The following CDH13 variants were observed in gnomAD, a reference collection of about 807,000 sequenced individuals.
The protein encoded by CDH13 is cadherin-13.
A neutral mutation model predicts 63.8 loss-of-function variants in CDH13; 24 were observed. That is an observed-to-expected ratio of 0.38 (90% CI 0.27 to 0.53). The LOEUF is 0.53. CDH13 is among the 20% of genes least tolerant of loss of function. CDH13 has a pLI of 0.85. For missense variants in CDH13, 1,049 were observed against 903.1 expected (o/e 1.16, Z -2.07); for synonymous variants, 503 against 355.3 (o/e 1.42, Z -4.67).
chr16:83,106,086 C>A (rs571620755), intron 3 of CDH13, among the ~76,000 whole-genome samples: 26 of 152,302 alleles, frequency 1.7e-4, no homozygotes, highest in Middle Eastern at 6.8e-3. Context: ...TGTTACAGGA[C>A]TTTTAAAATG....
chr16:83,737,007 C>T (rs34070320), intron 10 of CDH13, among the ~76,000 whole-genome samples: 20,724 of 152,018 alleles, frequency 0.14, 1,512 homozygotes, highest in Middle Eastern at 0.19. Flanking sequence ...GCTCGGTGCA[C>T]GTGGGGCTCA....
chr16:83,355,200 C>A (rs112296096), intron 6 of CDH13, among the ~76,000 whole-genome samples: 2 of 152,096 alleles, frequency 1.3e-5, no homozygotes, highest in Non-Finnish European at 2.9e-5. Flanking sequence ...ATGGCAGCTA[C>A]GGAGATGGAG....
chr16:82,666,287 G>A (rs1912574717), intron 1 of CDH13, among the ~76,000 whole-genome samples: 1 of 152,224 alleles, frequency 6.6e-6, no homozygotes, highest in Non-Finnish European at 1.5e-5. Flanking sequence ...TACCAATTAT[G>A]CCACAGGCAG....
At chr16:82,924,675 A>T (rs1006060998) in intron 2 of CDH13, among the ~76,000 whole-genome samples, 1 of 152,218 alleles carries the variant, frequency 6.6e-6, no homozygotes, top group East Asian at 1.9e-4. Context: ...ACCGTTATCA[A>T]TCTGGAATGT....
chr16:82,840,114 A>C (rs2038942764), intron 1 of CDH13, among the ~76,000 whole-genome samples: 1 of 152,092 alleles, frequency 6.6e-6, no homozygotes. Context: ...AGAAGAGACC[A>C]CCTTCCCCAC....
At chr16:83,328,554 G>A (rs943943714) in intron 5 of CDH13, among the ~76,000 whole-genome samples, 1 of 152,164 alleles carries the variant, frequency 6.6e-6, no homozygotes, top group African/African-American at 2.4e-5. Flanking sequence ...TAGAGTGGGA[G>A]GACAAGAGCA....
At chr16:83,066,464 T>C (rs557749586) in intron 3 of CDH13, among the ~76,000 whole-genome samples, 2 of 152,282 alleles carry the variant, frequency 1.3e-5, no homozygotes, top group Middle Eastern at 3.4e-3. Flanking sequence ...ACCGAGGACC[T>C]CCTGAAGTCA....
chr16:83,662,454 T>A (rs1443679257), intron 8 of CDH13, among the ~76,000 whole-genome samples: 18 of 152,192 alleles, frequency 1.2e-4, no homozygotes, highest in Admixed American at 9.8e-4. Context: ...TATGTTTTCT[T>A]AAAAAGAATC....
At chr16:82,685,394 A>G (rs1214330601) in intron 1 of CDH13, among the ~76,000 whole-genome samples, 2 of 152,182 alleles carry the variant, frequency 1.3e-5, no homozygotes, top group African/African-American at 4.8e-5. Flanking sequence ...CCCATTCATA[A>G]TGGCTCATCC....
intron 6 of CDH13, among the ~76,000 whole-genome samples, chr16:83,472,516 C>T (rs899080436): frequency 1.3e-5 from 2 of 152,142 alleles, no homozygotes; most frequent in African/African-American, 2.4e-5. Flanking sequence ...GTCAGGGCAC[C>T]GCCGCTCAGG....
intron 5 of CDH13, among the ~76,000 whole-genome samples, chr16:83,343,184 T>A (rs1364299): frequency 1 from 151,538 of 152,228 alleles, 75,429 homozygotes; most frequent in Middle Eastern, 1. Flanking sequence ...GAAAAAAATT[T>A]AAAAATTATC....
At chr16:82,701,896 C>G (rs1161567984) in intron 1 of CDH13, among the ~76,000 whole-genome samples, 1 of 152,194 alleles carries the variant, frequency 6.6e-6, no homozygotes, top group Non-Finnish European at 1.5e-5. Flanking sequence ...GACTTCATCT[C>G]TACCCAGCCA....
At chr16:82,627,708 C>T (rs1046247638) in intron 1 of CDH13, among the ~76,000 whole-genome samples, 3 of 152,124 alleles carry the variant, frequency 2.0e-5, no homozygotes, top group Non-Finnish European at 4.4e-5. Flanking sequence ...AGCCTCAGCC[C>T]GGCTGCTGCT....
chr16:83,478,526 T>C (rs752753895), intron 6 of CDH13, among the ~76,000 whole-genome samples: 1 of 152,116 alleles, frequency 6.6e-6, no homozygotes, highest in Non-Finnish European at 1.5e-5. Flanking sequence ...TGGACCACCA[T>C]ATGAAAATGT....
chr16:83,576,787 A>G (rs1025042186), intron 7 of CDH13, among the ~76,000 whole-genome samples: 5 of 152,170 alleles, frequency 3.3e-5, no homozygotes, highest in Non-Finnish European at 7.3e-5. Context: ...TCATGTGTTC[A>G]TTGGCCATTT....
intron 3 of CDH13, among the ~76,000 whole-genome samples, chr16:83,053,033 A>C (rs1395348802): frequency 6.6e-6 from 1 of 152,126 alleles, no homozygotes; most frequent in Non-Finnish European, 1.5e-5. Flanking sequence ...TCGAAGGCCT[A>C]ACTTTTTCTG....
chr16:82,873,272 A>G (rs1050069815), intron 2 of CDH13, among the ~76,000 whole-genome samples: 2 of 152,200 alleles, frequency 1.3e-5, no homozygotes, highest in Non-Finnish European at 2.9e-5. Context: ...TAATCATCTC[A>G]AATGTCTTGC....
intron 1 of CDH13, among the ~76,000 whole-genome samples, chr16:82,810,684 A>G (rs541379850): frequency 1.3e-5 from 2 of 152,260 alleles, no homozygotes. Flanking sequence ...AAGATTTTCA[A>G]GTACATGGGA....
chr16:82,775,685 T>C (rs1021202114), intron 1 of CDH13, among the ~76,000 whole-genome samples: 4 of 152,204 alleles, frequency 2.6e-5, no homozygotes, highest in Non-Finnish European at 4.4e-5. Context: ...CCAGGCATTT[T>C]GTCTTCTCAA....
Sources: gnomAD v4.1 joint callset for allele counts (sites outside exome capture counted in the v4.1 genomes callset) on GRCh38, gnomAD v4.1.1 for gene constraint, MANE v1.5 for transcripts, NCBI Gene and HGNC (gene_info 2026-07-23, HGNC 2026-07-21) for gene names.